CBLB: variants seen among roughly 807,000 people sequenced by gnomAD.
CBLB encodes Cbl proto-oncogene B, also known as E3 ubiquitin-protein ligase CBL-B.
A neutral mutation model predicts 104.9 loss-of-function variants in CBLB; 31 were observed. That is an observed-to-expected ratio of 0.30 (90% CI 0.22 to 0.40). CBLB has a LOEUF of 0.40. Among genes scored for constraint, CBLB ranks in the 10% least tolerant of loss-of-function variants. The probability of loss-of-function intolerance (pLI) is 1.00; values close to 1 mark genes in which losing one functional copy is unlikely to be tolerated. For synonymous variants in CBLB, 440 were observed against 422.6 expected (o/e 1.04, Z -0.51); for missense variants, 1,062 against 1,214.6 (o/e 0.87, Z 1.87).
At chr3:105,861,418 C>T (rs887645049) in intron 2 of CBLB, among the ~76,000 whole-genome samples, 8 of 151,966 alleles carry the variant, frequency 5.3e-5, no homozygotes, top group African/African-American at 1.9e-4. Flanking sequence ...TCCTGACAAC[C>T]CAATATAAAA....
intron 3 of CBLB, among the ~76,000 whole-genome samples, chr3:105,801,457 A>G (rs1005373244): frequency 6.6e-6 from 1 of 152,252 alleles, no homozygotes; most frequent in Non-Finnish European, 1.5e-5. Context: ...TAATCCTCTA[A>G]CAAATGGCTA....
rs781633028 is a variant in CBLB, at chr3:105,720,091, G to A, written c.1363C>T (p.Arg455Cys). The stretch of plus-strand genomic sequence containing the variant: ...CGATTCATCATCAAGGACTCCTCAC[G>A]ATCATCATCGTCGTCCAAGTCTAGC... ...PMLDLDDDDD[R>C]EESLMMNRLA... The change falls in exon 10 of 19, where the codon CGT (arginine) becomes TGT (cysteine). Residue 455 changes from arginine to cysteine, a missense_variant. Physicochemically the swap from Arg to Cys is radical, Grantham distance 180. This residue lies in a region of CBLB where 457 missense variants were observed against 632.0 expected (regional missense o/e 0.72). Coordinates refer to ENST00000394030, the MANE Select transcript of CBLB (RefSeq NM_170662.5). The A allele has an allele frequency of 6.2e-7, 1 of 1,613,902 alleles. No homozygotes were observed. The highest frequency in any genetic ancestry group is 1.1e-5 in the South Asian group (1 of 91,066).
rs181993204 is a variant in CBLB, at chr3:105,823,127, G to T, written c.419+30287C>A. On this transcript the variant is annotated intron_variant, in intron 3 of 18. Coordinates refer to ENST00000394030, the MANE Select transcript of CBLB (RefSeq NM_170662.5). Reference sequence around the variant, plus strand: ...AGAAGGTTTAAACAGCTTTATCTTAGGCTCCTATAAAAAGGCCCTAAAATG... The same window carrying T: ...AGAAGGTTTAAACAGCTTTATCTTATGCTCCTATAAAAAGGCCCTAAAATG... Among the ~76,000 whole-genome samples the T allele has an allele frequency of 1.7e-3, 252 of 152,252 alleles. 1 individual carries two copies. Among genetic ancestry groups the T allele is most frequent in the African/African-American group, 4.4e-3 (184 of 41,550 alleles).
intron 12 of CBLB, among the ~76,000 whole-genome samples, chr3:105,697,866 A>G (rs1365503902): frequency 6.6e-6 from 1 of 152,088 alleles, no homozygotes; most frequent in Non-Finnish European, 1.5e-5. Flanking sequence ...TATAATGTTA[A>G]TATCTAGAAA....
In CBLB at chr3:105,827,535, C is replaced by A. The variant is rs58991769; in HGVS notation, c.419+25879G>T. 6.5e-3 allele frequency among the ~76,000 whole-genome samples: 986 copies of A among 152,194 alleles called. 12 individuals are homozygous for A. Among genetic ancestry groups the A allele is most frequent in the African/African-American group, 0.023 (946 of 41,504 alleles). ...TCAGAAGTAACGCCAGGAACCTGGT[C>A]TCTGTTAAGGTCCTTAAACTCCCAT... On this transcript the variant is annotated intron_variant, in intron 3 of 18. Transcript: ENST00000394030.
chr3:105,833,331 A>G (rs1414213706), intron 3 of CBLB, among the ~76,000 whole-genome samples: 1 of 152,222 alleles, frequency 6.6e-6, no homozygotes, highest in African/African-American at 2.4e-5. Context: ...ATTCTGAAGA[A>G]CATTCCAGAA....
chr3:105,847,428 A>C (rs60711052), intron 3 of CBLB, among the ~76,000 whole-genome samples: 29 of 146,476 alleles, frequency 2.0e-4, no homozygotes, highest in African/African-American at 5.6e-4. Context: ...ACACACACAC[A>C]CCCCATTTTG....
chr3:105,681,432 A>C, intron 16 of CBLB, 47 bp downstream of exon 16: 1 of 1,593,062 alleles, frequency 6.3e-7, no homozygotes, highest in Non-Finnish European at 8.6e-7. Flanking sequence ...TTCTGAAATT[A>C]AAAGAAGGAG....
In CBLB at chr3:105,720,033, G is replaced by A. The variant is rs1171244144; in HGVS notation, c.1407+14C>T. On this transcript the variant is annotated intron_variant, in intron 10 of 18. Coordinates refer to ENST00000394030, the MANE Select transcript of CBLB (RefSeq NM_170662.5). The stretch of plus-strand genomic sequence containing the variant: ...GTCACATCACCTTAACTAAACCCAT[G>A]TTTCTAGTTTTACCTTTCGGACGTT... 2 of 1,588,214 alleles carry A rather than the reference G, an allele frequency of 1.3e-6. No homozygotes were observed. The highest frequency in any genetic ancestry group is 8.6e-7 in the Non-Finnish European group (1 of 1,156,470).
chr3:105,691,428 T>C (rs1463893706), intron 13 of CBLB, among the ~76,000 whole-genome samples: 1 of 152,238 alleles, frequency 6.6e-6, no homozygotes, highest in East Asian at 1.9e-4. Flanking sequence ...TACATTTTAC[T>C]ATCAATTTGT....
At chr3:105,846,251 A>G (rs2153106075) in intron 3 of CBLB, among the ~76,000 whole-genome samples, 1 of 152,162 alleles carries the variant, frequency 6.6e-6, no homozygotes, top group Admixed American at 6.6e-5. Flanking sequence ...TGCAATTTTC[A>G]CCATTAGTAA....
chr3:105,716,536 G>T (rs2071910526), intron 10 of CBLB, among the ~76,000 whole-genome samples: 2 of 152,022 alleles, frequency 1.3e-5, no homozygotes, highest in African/African-American at 4.8e-5. Context: ...TATTCAGAAA[G>T]AATTATGCTT....
chr3:105,808,042 C>T (rs1330627437), intron 3 of CBLB, among the ~76,000 whole-genome samples: 1 of 152,176 alleles, frequency 6.6e-6, no homozygotes, highest in African/African-American at 2.4e-5. Flanking sequence ...GTTCACAGAA[C>T]TTTTCCTAAA....
intron 4 of CBLB, among the ~76,000 whole-genome samples, chr3:105,758,039 C>T (rs916412992): frequency 2.0e-5 from 3 of 152,106 alleles, no homozygotes; most frequent in East Asian, 3.8e-4. Context: ...AAAATATTAG[C>T]GCTGTGATTC....
At chr3:105,678,116 A>G (rs900497415) in intron 17 of CBLB, among the ~76,000 whole-genome samples, 1 of 152,176 alleles carries the variant, frequency 6.6e-6, no homozygotes, top group Non-Finnish European at 1.5e-5. Context: ...TCCCATTACT[A>G]TTAGCCTAAC....
intron 8 of CBLB, among the ~76,000 whole-genome samples, chr3:105,736,864 T>C (rs896035367): frequency 6.6e-6 from 1 of 152,110 alleles, no homozygotes; most frequent in Non-Finnish European, 1.5e-5. Flanking sequence ...ATAATTATTC[T>C]AATCTTTTTT....
chr3:105,805,065 C>T (rs1449777180), intron 3 of CBLB, among the ~76,000 whole-genome samples: 1 of 152,156 alleles, frequency 6.6e-6, no homozygotes, highest in African/African-American at 2.4e-5. Flanking sequence ...CCATGGCCAC[C>T]TATTGGTTCC....
intron 4 of CBLB, among the ~76,000 whole-genome samples, chr3:105,764,476 A>C (rs1400556466): frequency 6.6e-6 from 1 of 152,184 alleles, no homozygotes; most frequent in Non-Finnish European, 1.5e-5. Context: ...GGGCACTATG[A>C]ACCATGCCCA....
chr3:105,836,474 A>G (rs2153086953), intron 3 of CBLB, among the ~76,000 whole-genome samples: 1 of 152,328 alleles, frequency 6.6e-6, no homozygotes, highest in Middle Eastern at 3.4e-3. Context: ...TAGTCTGGGG[A>G]CATACCATGA....
Sources: gnomAD v4.1 joint callset for allele counts (sites outside exome capture counted in the v4.1 genomes callset) on GRCh38, gnomAD v4.1.1 for gene constraint, gnomAD v4.1.1 regional missense constraint, MANE v1.5 for transcripts, NCBI Gene and HGNC (gene_info 2026-07-23, HGNC 2026-07-21) for gene names.